The following AFG2A variants were observed in gnomAD, a reference collection of about 807,000 sequenced individuals.
AFG2A encodes AAA ATPase AFG2A, also known as ATPase family gene 2 protein homolog A.
the AFG2A span, among the ~76,000 whole-genome samples, chr4:123,245,934 C>T: frequency 6.6e-6 from 1 of 152,182 alleles, no homozygotes; most frequent in East Asian, 1.9e-4. Context: ...GACTGAACTG[C>T]TCTGTGAAGC....
the AFG2A span, among the ~76,000 whole-genome samples, chr4:123,085,361 C>T: frequency 2.6e-5 from 4 of 152,134 alleles, no homozygotes; most frequent in African/African-American, 9.7e-5. Context: ...TTAGTTTTTG[C>T]CTCACGTTTT....
the AFG2A span, among the ~76,000 whole-genome samples, chr4:123,108,020 T>G: frequency 6.6e-6 from 1 of 152,178 alleles, no homozygotes; most frequent in African/African-American, 2.4e-5. Flanking sequence ...GCTGGACAAC[T>G]GCAGTGAGCC....
the AFG2A span, among the ~76,000 whole-genome samples, chr4:123,305,156 G>A: frequency 6.6e-6 from 1 of 152,142 alleles, no homozygotes; most frequent in African/African-American, 2.4e-5. Context: ...AGTGTGGGGA[G>A]GGGATGACAG....
At chr4:123,233,604 A>G in the AFG2A span, among the ~76,000 whole-genome samples, 1 of 152,034 alleles carries the variant, frequency 6.6e-6, no homozygotes, top group Non-Finnish European at 1.5e-5. Flanking sequence ...AAAAACAGGA[A>G]GTATCTCTGC....
At chr4:123,273,133 G>A in the AFG2A span, among the ~76,000 whole-genome samples, 2 of 152,122 alleles carry the variant, frequency 1.3e-5, no homozygotes, top group East Asian at 3.9e-4. Context: ...AGGTGAAAAG[G>A]GTGGTTAAAC....
the AFG2A span, among the ~76,000 whole-genome samples, chr4:123,274,371 A>ATT: frequency 6.8e-6 from 1 of 147,044 alleles, no homozygotes. Flanking sequence ...AAAAACTCTG[A>ATT]TTTTTTTTTT....
At chr4:123,038,251 A>G in the AFG2A span, among the ~76,000 whole-genome samples, 1 of 152,084 alleles carries the variant, frequency 6.6e-6, no homozygotes. Context: ...AAATTGTAGT[A>G]ACAGTGTACA....
At chr4:123,055,458 A>G in the AFG2A span, among the ~76,000 whole-genome samples, 2 of 152,152 alleles carry the variant, frequency 1.3e-5, no homozygotes, top group African/African-American at 4.8e-5. Flanking sequence ...TCCTTGTAAT[A>G]TGGTGTTTTA....
the AFG2A span, among the ~76,000 whole-genome samples, chr4:123,042,490 A>C: frequency 3.7e-4 from 57 of 152,182 alleles, 1 homozygote; most frequent in African/African-American, 1.4e-3. Flanking sequence ...TGAATTTGGG[A>C]GGGACAAATT....
the AFG2A span, among the ~76,000 whole-genome samples, chr4:123,291,558 C>T: frequency 6.6e-6 from 1 of 152,196 alleles, no homozygotes; most frequent in African/African-American, 2.4e-5. Flanking sequence ...GGGAAAGTTT[C>T]TCTCTCATTT....
chr4:123,077,090 C>G, the AFG2A span, among the ~76,000 whole-genome samples: 3 of 146,932 alleles, frequency 2.0e-5, no homozygotes, highest in Non-Finnish European at 4.5e-5. Flanking sequence ...CTTTGTTGCC[C>G]AGGCTGGAGT....
the AFG2A span, among the ~76,000 whole-genome samples, chr4:123,311,277 G>T: frequency 6.6e-6 from 1 of 152,040 alleles, no homozygotes; most frequent in Non-Finnish European, 1.5e-5. Flanking sequence ...CACTAAAGCC[G>T]CTTTGTCATT....
chr4:123,271,721 C>CT, the AFG2A span, among the ~76,000 whole-genome samples: 1 of 152,168 alleles, frequency 6.6e-6, no homozygotes, highest in African/African-American at 2.4e-5. Flanking sequence ...TACCTGGGTG[C>CT]TTGAGACCCA....
the AFG2A span, among the ~76,000 whole-genome samples, chr4:122,925,304 G>T: frequency 4.1e-3 from 622 of 152,268 alleles, 1 homozygote; most frequent in African/African-American, 0.014. Context: ...TGATTTTCCA[G>T]CTTCCAATTT....
At chr4:123,295,383 C>A in the AFG2A span, among the ~76,000 whole-genome samples, 6 of 152,160 alleles carry the variant, frequency 3.9e-5, no homozygotes, top group African/African-American at 1.4e-4. Flanking sequence ...GTCCTACTTG[C>A]CTGTCTTGAG....
chr4:123,180,257 CTATT>C, the AFG2A span, among the ~76,000 whole-genome samples: 7 of 152,084 alleles, frequency 4.6e-5, no homozygotes, highest in South Asian at 4.1e-4. Context: ...TAGTATGTAA[CTATT>C]TATTTAGCTA....
chr4:122,940,297 T>C, the AFG2A span, among the ~76,000 whole-genome samples: 4 of 152,098 alleles, frequency 2.6e-5, no homozygotes, highest in Admixed American at 2.0e-4. Flanking sequence ...GCACCTGTTG[T>C]TTCCTGACTT....
the AFG2A span, among the ~76,000 whole-genome samples, chr4:123,070,789 G>A: frequency 6.6e-6 from 1 of 152,162 alleles, no homozygotes; most frequent in Non-Finnish European, 1.5e-5. Context: ...CAACAAACAA[G>A]GTGAAAAGTT....
At chr4:123,162,320 A>G in the AFG2A span, among the ~76,000 whole-genome samples, 1 of 152,242 alleles carries the variant, frequency 6.6e-6, no homozygotes, top group South Asian at 2.1e-4. Flanking sequence ...AACTCCATAT[A>G]ACAGAACCAT....
Sources: allele counts gnomAD v4.1 joint callset (sites outside exome capture counted in the v4.1 genomes callset), GRCh38; gene constraint gnomAD v4.1.1; transcripts MANE v1.5; gene names NCBI Gene and HGNC (gene_info 2026-07-23, HGNC 2026-07-21).